The following LNPEP variants were observed in gnomAD, a reference collection of about 807,000 sequenced individuals.
LNPEP encodes leucyl and cystinyl aminopeptidase, also known as leucyl-cystinyl aminopeptidase.
LNPEP carries 64 observed loss-of-function variants against 120.6 expected under a neutral mutation model. That is an observed-to-expected ratio of 0.53 (90% CI 0.43 to 0.65). The LOEUF is 0.65. LNPEP is among the 30% of genes least tolerant of loss of function. LNPEP has a pLI of 0.00. For missense variants in LNPEP, 1,057 were observed against 1,200.0 expected (o/e 0.88, Z 1.76); for synonymous variants, 435 against 425.4 (o/e 1.02, Z -0.28).
At chr5:96,978,315 C>T (rs927656772) in intron 1 of LNPEP, among the ~76,000 whole-genome samples, 13 of 152,168 alleles carry the variant, frequency 8.5e-5, no homozygotes, top group Admixed American at 8.5e-4. Context: ...CCACTGAGAT[C>T]CACTAACACT....
intron 2 of LNPEP, among the ~76,000 whole-genome samples, chr5:96,980,734 T>C (rs1035843693): frequency 6.6e-6 from 1 of 152,182 alleles, no homozygotes; most frequent in Non-Finnish European, 1.5e-5. Flanking sequence ...TTTATGCAAT[T>C]GGAACATTCT....
At chr5:97,001,615 G>C (rs1449405044) in intron 8 of LNPEP, among the ~76,000 whole-genome samples, 1 of 152,050 alleles carries the variant, frequency 6.6e-6, no homozygotes, top group Non-Finnish European at 1.5e-5. Flanking sequence ...AGAGAAAAGG[G>C]GTCCAAAGAT....
chr5:96,947,180 T>G (rs975533525), intron 1 of LNPEP, among the ~76,000 whole-genome samples: 1 of 152,298 alleles, frequency 6.6e-6, no homozygotes, highest in Admixed American at 6.5e-5. Flanking sequence ...GTAAATTACT[T>G]TATATTGCTA....
chr5:97,013,666 A>G lies in LNPEP; in HGVS notation c.2054A>G (p.Glu685Gly), dbSNP rs749708277. 6.5e-7 allele frequency: 1 copy of G among 1,549,110 alleles called. No homozygotes were observed. The change falls in exon 12 of 18, where the codon GAA becomes GGA. Residue 685 changes from glutamate (E) to glycine (G), a missense_variant. By Grantham distance (98) the Glu-to-Gly change is moderately conservative. Coordinates refer to ENST00000231368, the MANE Select transcript of LNPEP (RefSeq NM_005575.3). ...CCATTAGGTGTCATCAATCTTACAG[A>G]AGAAGTGCTGTGGGTCAAAGTGAAT... is the stretch of plus-strand genomic sequence containing the variant. ...DKKSGVINLT[E>G]EVLWVKVNIN... is the part of the protein sequence containing the mutation.
intron 2 of LNPEP, among the ~76,000 whole-genome samples, chr5:96,983,359 A>G (rs545851363): frequency 6.6e-6 from 1 of 152,310 alleles, no homozygotes; most frequent in South Asian, 2.1e-4. Flanking sequence ...TCCCAAGTTC[A>G]GATCTAGTTA....
chr5:97,026,163 A>G (rs1791335277), intron 15 of LNPEP, among the ~76,000 whole-genome samples: 1 of 152,204 alleles, frequency 6.6e-6, no homozygotes, highest in African/African-American at 2.4e-5. Context: ...TTTAGTACAT[A>G]GTGTCAGTAA....
intron 17 of LNPEP, 62 bp downstream of exon 17, chr5:97,027,876 G>T (rs1791385799): frequency 2.0e-6 from 2 of 990,252 alleles, no homozygotes; most frequent in Non-Finnish European, 3.3e-6. Context: ...GGACCAGGCT[G>T]CTCAGTTTTA....
intron 14 of LNPEP, 110 bp from the exon 15 acceptor site, chr5:97,024,411 C>A: frequency 1.0e-6 from 1 of 988,088 alleles, no homozygotes; most frequent in Non-Finnish European, 1.5e-6. Flanking sequence ...TGTACTCAAA[C>A]TTGTTATTAT....
At chr5:96,998,409 G>C (rs1263617518) in intron 8 of LNPEP, among the ~76,000 whole-genome samples, 1 of 152,076 alleles carries the variant, frequency 6.6e-6, no homozygotes, top group Non-Finnish European at 1.5e-5. Context: ...TTTAAAGTCA[G>C]TTTACTCTCC....
At chr5:96,968,672 A>C (rs1789786177) in intron 1 of LNPEP, among the ~76,000 whole-genome samples, 1 of 152,078 alleles carries the variant, frequency 6.6e-6, no homozygotes, top group Non-Finnish European at 1.5e-5. Flanking sequence ...AGGTGAAAGA[A>C]ACTAGGAATT....
chr5:96,954,643 T>TATATACAC (rs1789401709), intron 1 of LNPEP, among the ~76,000 whole-genome samples: 2 of 126,784 alleles, frequency 1.6e-5, no homozygotes, highest in Non-Finnish European at 3.1e-5. Context: ...CATATATACA[T>TATATACAC]ATATACATAT....
chr5:96,970,550 C>T (rs909638231), intron 1 of LNPEP, among the ~76,000 whole-genome samples: 13 of 151,950 alleles, frequency 8.6e-5, no homozygotes, highest in Non-Finnish European at 1.6e-4. Flanking sequence ...TTAAGTCTAC[C>T]ATGTTGCCAC....
chr5:97,022,785 C>T (rs1163635158), intron 14 of LNPEP, among the ~76,000 whole-genome samples: 1 of 100,136 alleles, frequency 1.0e-5, no homozygotes, highest in East Asian at 3.6e-4. Context: ...TATCCCTCCC[C>T]CCTCCCCCCA....
At chr5:96,996,623 A>G (rs1790522342) in intron 7 of LNPEP, 120 bp downstream of exon 7, 1 of 612,948 alleles carries the variant, frequency 1.6e-6, no homozygotes, top group South Asian at 2.1e-5. Context: ...GGTATGCCAA[A>G]CTTGACTTTG....
At chr5:97,020,658 C>T (rs947875378) in intron 13 of LNPEP, among the ~76,000 whole-genome samples, 4 of 151,890 alleles carry the variant, frequency 2.6e-5, no homozygotes, top group African/African-American at 9.7e-5. Flanking sequence ...AAAAATTAGC[C>T]GGATGTGGTG....
intron 9 of LNPEP, among the ~76,000 whole-genome samples, chr5:97,004,748 C>G (rs1790738772): frequency 6.6e-6 from 1 of 152,140 alleles, no homozygotes; most frequent in African/African-American, 2.4e-5. Context: ...AGAAGATATA[C>G]CTTCCCTACT....
chr5:96,956,531 G>A (rs1245123807), intron 1 of LNPEP, among the ~76,000 whole-genome samples: 1 of 152,130 alleles, frequency 6.6e-6, no homozygotes, highest in Non-Finnish European at 1.5e-5. Flanking sequence ...GAAATCCATG[G>A]TAATGTGAAT....
At chr5:96,953,678 G>C (rs567561687) in intron 1 of LNPEP, among the ~76,000 whole-genome samples, 1 of 152,258 alleles carries the variant, frequency 6.6e-6, no homozygotes, top group South Asian at 2.1e-4. Flanking sequence ...ATTTTCATGT[G>C]TTATCTTGGC....
chr5:97,026,216 T>C (rs2112674342), intron 15 of LNPEP, among the ~76,000 whole-genome samples: 1 of 152,272 alleles, frequency 6.6e-6, no homozygotes, highest in South Asian at 2.1e-4. Context: ...CTGAAATGTA[T>C]CCTAATTTTC....
Sources: allele counts gnomAD v4.1 joint callset (sites outside exome capture counted in the v4.1 genomes callset), GRCh38; gene constraint gnomAD v4.1.1; transcripts MANE v1.5; gene names NCBI Gene and HGNC (gene_info 2026-07-23, HGNC 2026-07-21).